The following TMEM272 variants were observed in gnomAD, a reference collection of about 807,000 sequenced individuals.
The protein encoded by TMEM272 is long intergenic non-protein coding RNA 282.
TMEM272 carries 8 observed loss-of-function variants against 3.7 expected under a neutral mutation model. The ratio of observed to expected loss-of-function variants is 2.17; its 90% CI spans 1.27 to 3.91. The LOEUF is 3.91. TMEM272 is among the 30% of genes most tolerant of loss of function. TMEM272 has a pLI of 0.00. For synonymous variants in TMEM272, 63 were observed against 39.8 expected, an observed-to-expected ratio of 1.58 and a Z score of -2.20; for missense variants, 166 against 91.5, an observed-to-expected ratio of 1.81 and a Z score of -3.32.
chr13:51,874,477 A>G, the TMEM272 span, among the ~76,000 whole-genome samples: 1 of 152,158 alleles, frequency 6.6e-6, no homozygotes, highest in African/African-American at 2.4e-5. Context: ...TGAATGAAGG[A>G]AAGAATATTT....
chr13:51,865,511 CTGCAGGAG>C, the TMEM272 span: 10 of 1,614,090 alleles, frequency 6.2e-6, 1 homozygote, highest in South Asian at 1.1e-4. Context: ...AATGCACAAG[CTGCAGGAG>C]GAAAAGGCTT....
intron 1 of TMEM272, among the ~76,000 whole-genome samples, chr13:51,839,210 G>A (rs796747574): frequency 1.1e-4 from 17 of 152,300 alleles, no homozygotes; most frequent in African/African-American, 3.8e-4. Flanking sequence ...GAGCAAGTTG[G>A]TTGACACTGT....
the TMEM272 span, among the ~76,000 whole-genome samples, chr13:51,919,244 A>T: frequency 6.6e-6 from 1 of 152,228 alleles, no homozygotes; most frequent in Admixed American, 6.5e-5. Context: ...GTGTATTTTT[A>T]AAAATTTACA....
chr13:51,845,663 T>C (rs980453935), upstream of TMEM272, among the ~76,000 whole-genome samples: 1 of 152,240 alleles, frequency 6.6e-6, no homozygotes, highest in Non-Finnish European at 1.5e-5. Context: ...TTTGTAACAG[T>C]GGCCTTCTTA....
the TMEM272 span, among the ~76,000 whole-genome samples, chr13:51,929,006 G>T: frequency 6.6e-6 from 1 of 152,190 alleles, no homozygotes; most frequent in Non-Finnish European, 1.5e-5. Context: ...AGACCATCCT[G>T]ACCAACATGG....
chr13:51,834,352 C>T (rs1956197619), intron 2 of TMEM272, among the ~76,000 whole-genome samples: 1 of 152,060 alleles, frequency 6.6e-6, no homozygotes, highest in African/African-American at 2.4e-5. Flanking sequence ...TGCCCCAGAC[C>T]CCCAAAAGAG....
the TMEM272 span, among the ~76,000 whole-genome samples, chr13:51,870,703 G>T: frequency 1.3e-5 from 2 of 152,212 alleles, no homozygotes; most frequent in Non-Finnish European, 2.9e-5. Flanking sequence ...CTGGCAGTGG[G>T]GAAAGCCAAG....
the TMEM272 span, among the ~76,000 whole-genome samples, chr13:51,884,259 C>T: frequency 1.3e-5 from 2 of 152,156 alleles, no homozygotes; most frequent in Non-Finnish European, 2.9e-5. Context: ...TGACAACATG[C>T]AGGATTTGGG....
chr13:51,827,009 T>C (rs141836034), intron 2 of TMEM272, among the ~76,000 whole-genome samples: 2 of 152,232 alleles, frequency 1.3e-5, no homozygotes, highest in Admixed American at 1.3e-4. Flanking sequence ...GTGCCTGTAC[T>C]CAGGGCAGAT....
chr13:51,870,207 G>A, the TMEM272 span, among the ~76,000 whole-genome samples: 20 of 152,196 alleles, frequency 1.3e-4, no homozygotes, highest in African/African-American at 4.8e-4. Flanking sequence ...GCATGACAGT[G>A]CTGTTGTGGT....
the TMEM272 span, among the ~76,000 whole-genome samples, chr13:51,851,957 C>G: frequency 1.3e-5 from 2 of 152,188 alleles, no homozygotes; most frequent in African/African-American, 2.4e-5. Context: ...GATGAATAAC[C>G]TACACAAGTA....
the TMEM272 span, chr13:51,910,277 G>C: frequency 7.0e-7 from 1 of 1,426,914 alleles, no homozygotes; most frequent in East Asian, 2.3e-5. Flanking sequence ...TCTCAAAGCT[G>C]GCATCCTCTA....
At chr13:51,894,334 G>T in the TMEM272 span, among the ~76,000 whole-genome samples, 5 of 152,192 alleles carry the variant, frequency 3.3e-5, no homozygotes, top group Admixed American at 6.5e-5. Flanking sequence ...CTTTCTTTGT[G>T]AGTCAGGGGA....
chr13:51,922,483 G>A, the TMEM272 span, among the ~76,000 whole-genome samples: 1 of 152,156 alleles, frequency 6.6e-6, no homozygotes, highest in African/African-American at 2.4e-5. Flanking sequence ...CACCCTGGCT[G>A]GAGCACAGTG....
the TMEM272 span, among the ~76,000 whole-genome samples, chr13:51,860,266 A>C: frequency 6.6e-6 from 1 of 152,184 alleles, no homozygotes; most frequent in Non-Finnish European, 1.5e-5. Flanking sequence ...AATTGCAGAT[A>C]TTGGGCGATT....
At chr13:51,933,690 C>A in the TMEM272 span, 1 of 152,194 alleles carries the variant, frequency 6.6e-6, no homozygotes, top group Admixed American at 6.5e-5. Flanking sequence ...TTGGGCAGTA[C>A]CATTTCCTCC....
the TMEM272 span, among the ~76,000 whole-genome samples, chr13:51,876,022 C>G: frequency 6.6e-6 from 1 of 152,248 alleles, no homozygotes; most frequent in Non-Finnish European, 1.5e-5. Context: ...TAGAGCGGAT[C>G]TCTTTTTCTA....
At chr13:51,916,569 G>C in the TMEM272 span, among the ~76,000 whole-genome samples, 2 of 152,172 alleles carry the variant, frequency 1.3e-5, no homozygotes, top group East Asian at 3.9e-4. Flanking sequence ...CCAGGTGCTG[G>C]CTTGGATTTG....
At chr13:51,915,589 C>T in the TMEM272 span, among the ~76,000 whole-genome samples, 14 of 152,302 alleles carry the variant, frequency 9.2e-5, no homozygotes, top group African/African-American at 3.1e-4. Context: ...TCTACATATA[C>T]GCAGAGACAC....
Sources: allele counts gnomAD v4.1 joint callset (sites outside exome capture counted in the v4.1 genomes callset), GRCh38; gene constraint gnomAD v4.1.1; transcripts MANE v1.5; gene names NCBI Gene and HGNC (gene_info 2026-07-23, HGNC 2026-07-21).